The following APBB2 variants were observed in gnomAD, a reference collection of about 807,000 sequenced individuals.
APBB2 encodes amyloid beta precursor protein binding family B member 2, also known as Fe65-like 1.
Under a neutral mutation model 82.5 loss-of-function variants are expected in APBB2, and 38 were observed. That is an observed-to-expected ratio of 0.46 (90% CI 0.36 to 0.60). The LOEUF (loss-of-function observed/expected upper bound fraction) is 0.60, where lower values mean the gene tolerates loss of function less well. APBB2 is among the 20% of genes least tolerant of loss of function. The pLI is 0.00. For missense variants in APBB2, 772 were observed against 972.3 expected, an observed-to-expected ratio of 0.79 and a Z score of 2.74; for synonymous variants, 341 against 368.2, an observed-to-expected ratio of 0.93 and a Z score of 0.85.
intron 5 of APBB2, among the ~76,000 whole-genome samples, chr4:41,032,831 C>T (rs1185253983): frequency 1.7e-5 from 2 of 117,440 alleles, no homozygotes; most frequent in Non-Finnish European, 3.2e-5. Flanking sequence ...GTCGCCCAGG[C>T]TGGAGTGCAG....
rs144948953 is a variant in APBB2, at chr4:40,821,807, T to G, written c.2112+64A>C. The G allele has an allele frequency of 2.7e-5, 43 of 1,568,614 alleles. 1 individual carries two copies. In the Admixed American group the frequency reaches 6.0e-4, roughly 22 times the overall value. On this transcript the variant is annotated intron_variant, in intron 17 of 17. Transcript: ENST00000508593. ...ATTTCCGTGAGTGATTCTGCTATAA[T>G]GTATGGCATATTAGAGATGAGCAGA...
intron 3 of APBB2, among the ~76,000 whole-genome samples, chr4:41,091,474 T>G (rs1027616173): frequency 1.6e-4 from 25 of 152,190 alleles, no homozygotes; most frequent in African/African-American, 5.6e-4. Context: ...TTTTACATCT[T>G]GAAAAACTTC....
chr4:41,160,038 A>AAGAAGAAGAAGAAGAAGACG (rs1247891414), intron 1 of APBB2, among the ~76,000 whole-genome samples: 1 of 123,136 alleles, frequency 8.1e-6, no homozygotes, highest in African/African-American at 3.5e-5. Flanking sequence ...AGAAGAAGAA[A>AAGAAGAAGAAGAAGAAGACG]ACATCACAGG....
intron 2 of APBB2, among the ~76,000 whole-genome samples, chr4:41,118,888 C>T (rs533509965): frequency 1.3e-5 from 2 of 152,240 alleles, no homozygotes; most frequent in East Asian, 3.9e-4. Context: ...GCCTGTAATT[C>T]TAGCACTTTG....
chr4:41,036,611 A>C (rs987710408), intron 4 of APBB2, among the ~76,000 whole-genome samples: 2 of 152,238 alleles, frequency 1.3e-5, no homozygotes, highest in African/African-American at 4.8e-5. Context: ...TTCTGGAGGA[A>C]AATAACTTAG....
intron 7 of APBB2, among the ~76,000 whole-genome samples, chr4:40,940,318 C>T (rs1345156750): frequency 6.6e-6 from 1 of 152,144 alleles, no homozygotes; most frequent in Non-Finnish European, 1.5e-5. Context: ...ACCTGCTGTC[C>T]TACTTACTCA....
chr4:41,142,485 T>C (rs1031977809), intron 2 of APBB2, among the ~76,000 whole-genome samples: 4 of 152,328 alleles, frequency 2.6e-5, no homozygotes, highest in East Asian at 1.9e-4. Flanking sequence ...GATTAGAGTA[T>C]ATAAAATCTG....
chr4:41,099,648 CT>C (rs1744692692), intron 3 of APBB2, among the ~76,000 whole-genome samples: 1 of 152,078 alleles, frequency 6.6e-6, no homozygotes, highest in African/African-American at 2.4e-5. Context: ...TCCGATCTTA[CT>C]ATTTAATGCT....
At chr4:41,199,605 T>C (rs899424408) in intron 1 of APBB2, among the ~76,000 whole-genome samples, 1 of 152,206 alleles carries the variant, frequency 6.6e-6, no homozygotes, top group African/African-American at 2.4e-5. Flanking sequence ...AAACTCTTAA[T>C]AGAGGTGCCC....
At chr4:40,871,923 G>A (rs977858586) in intron 12 of APBB2, among the ~76,000 whole-genome samples, 1 of 152,192 alleles carries the variant, frequency 6.6e-6, no homozygotes, top group Non-Finnish European at 1.5e-5. Flanking sequence ...GTGACAACCC[G>A]AGGTTGAAGA....
intron 10 of APBB2, among the ~76,000 whole-genome samples, chr4:40,897,937 A>AG (rs1774160861): frequency 1.3e-5 from 2 of 152,164 alleles, no homozygotes; most frequent in Non-Finnish European, 2.9e-5. Flanking sequence ...TAAAAAAAAA[A>AG]GTTAACAAAA....
intron 12 of APBB2, among the ~76,000 whole-genome samples, chr4:40,884,210 A>T (rs1769543361): frequency 6.6e-6 from 1 of 152,216 alleles, no homozygotes; most frequent in South Asian, 2.1e-4. Context: ...CACAAACTAC[A>T]TGGGTCACCT....
chr4:40,841,469 A>G (rs1755786817), intron 12 of APBB2, among the ~76,000 whole-genome samples: 1 of 152,154 alleles, frequency 6.6e-6, no homozygotes. Flanking sequence ...AGCATTGGAA[A>G]AACACAACTG....
intron 3 of APBB2, among the ~76,000 whole-genome samples, chr4:41,087,276 T>A (rs1453432522): frequency 6.6e-6 from 1 of 152,242 alleles, no homozygotes; most frequent in Non-Finnish European, 1.5e-5. Flanking sequence ...ACCCCAATGA[T>A]GTTTTCTGTA....
chr4:41,026,594 C>A (rs894188570), intron 5 of APBB2, among the ~76,000 whole-genome samples: 1 of 152,184 alleles, frequency 6.6e-6, no homozygotes, highest in Non-Finnish European at 1.5e-5. Flanking sequence ...ATAATGAGAT[C>A]TTTTGTGACT....
chr4:41,175,629 A>C (rs546837696), intron 1 of APBB2, among the ~76,000 whole-genome samples: 2 of 152,322 alleles, frequency 1.3e-5, no homozygotes, highest in African/African-American at 4.8e-5. Flanking sequence ...AAATATATAA[A>C]CACATAGTAA....
At chr4:41,040,974 G>A (rs1418856633) in intron 4 of APBB2, among the ~76,000 whole-genome samples, 1 of 152,044 alleles carries the variant, frequency 6.6e-6, no homozygotes, top group African/African-American at 2.4e-5. Flanking sequence ...TCCGCCTCCC[G>A]AGTTCACGCC....
chr4:41,167,707 A>T (rs1190131948), intron 1 of APBB2, among the ~76,000 whole-genome samples: 1 of 152,240 alleles, frequency 6.6e-6, no homozygotes, highest in Non-Finnish European at 1.5e-5. Context: ...TGATAGGTTC[A>T]AAAACGGACA....
chr4:41,120,917 T>C (rs1752621190), intron 2 of APBB2, among the ~76,000 whole-genome samples: 1 of 152,160 alleles, frequency 6.6e-6, no homozygotes. Context: ...AATATAAAGC[T>C]CCTGGCTTTA....
Sources: allele counts gnomAD v4.1 joint callset (sites outside exome capture counted in the v4.1 genomes callset), GRCh38; gene constraint gnomAD v4.1.1; transcripts MANE v1.5; gene names NCBI Gene and HGNC (gene_info 2026-07-23, HGNC 2026-07-21).